GIT2: variants seen among roughly 807,000 people sequenced by gnomAD.
GIT2 encodes the protein GIT ArfGAP 2.
GIT2 carries 32 observed loss-of-function variants against 100.3 expected under a neutral mutation model. The observed-to-expected ratio is 0.32, with a 90% CI of 0.24 to 0.43. The LOEUF (loss-of-function observed/expected upper bound fraction) is 0.43, where lower values mean the gene tolerates loss of function less well. Ranked by LOEUF, GIT2 falls within the 20% of genes least tolerant of loss-of-function variation. The probability of loss-of-function intolerance (pLI) is 1.00; values close to 1 mark genes in which losing one functional copy is unlikely to be tolerated. For synonymous variants in GIT2, 353 were observed against 364.1 expected (o/e 0.97, Z 0.35); for missense variants, 737 against 975.1 (o/e 0.76, Z 3.25).
At chr12:109,999,841 G>C (rs1245831294), upstream of GIT2, 15 of 1,436,410 alleles carry the variant, frequency 1.0e-5, no homozygotes, top group South Asian at 6.6e-5. The surrounding 1 kb of genome is among the most constrained non-coding windows in gnomAD (Gnocchi z 4.3). Flanking sequence ...ATCGGGGGTC[G>C]TTTCGCCTCC....
At chr12:109,954,579 G>C (rs2136308579) in intron 12 of GIT2, 1 of 152,220 alleles carries the variant, frequency 6.6e-6, no homozygotes, top group East Asian at 1.9e-4. Flanking sequence ...GATGATATCT[G>C]GGTGATGAAT....
At position 109,945,340 on chromosome 12, in the gene GIT2, T is replaced by C; in HGVS notation, c.1651A>G (p.Ser551Gly). Reference sequence around the variant, plus strand: ...GATGAAGAGGAGGTCACAAGTGCACTCCTCCCGATCTGGAATGGGAAAGAG... The same window carrying C: ...GATGAAGAGGAGGTCACAAGTGCACCCCTCCCGATCTGGAATGGGAAAGAG... ...LQPFPAHIGR[S>G]ALVTSSSSLP... The change falls in exon 16 of 20, where the codon AGT becomes GGT. Residue 551 changes from serine (S) to glycine (G), a missense_variant. This residue lies in a region of GIT2 where 451 missense variants were observed against 543.7 expected (regional missense o/e 0.83). Coordinates refer to ENST00000355312, the MANE Select transcript of GIT2 (RefSeq NM_057169.5). 6.7e-7 allele frequency: 1 copy of C among 1,502,094 alleles called. No individual in the cohort carries two copies. The highest frequency in any genetic ancestry group is 9.3e-7 in the Non-Finnish European group (1 of 1,079,176). The allele number at this position is 1,502,094 out of a possible 1,614,324, so 93.0% of individuals were successfully genotyped here.
chr12:109,961,746 G>T, intron 9 of GIT2, 61 bp from the exon 10 acceptor site: 1 of 975,702 alleles, frequency 1.0e-6, no homozygotes, highest in Non-Finnish European at 1.7e-6. Flanking sequence ...GGACAAGAGG[G>T]AACTGCGACT....
intron 9 of GIT2, among the ~76,000 whole-genome samples, chr12:109,964,668 C>CACACAT (rs1881888458): frequency 7.0e-6 from 1 of 143,400 alleles, no homozygotes; most frequent in Non-Finnish European, 1.5e-5. Flanking sequence ...CACACACACA[C>CACACAT]ACACACACGG....
chr12:109,984,474 G>T (rs115431458), intron 4 of GIT2, among the ~76,000 whole-genome samples: 3 of 151,628 alleles, frequency 2.0e-5, no homozygotes, highest in Non-Finnish European at 4.4e-5. Flanking sequence ...AAAGGGTCTC[G>T]CTTGCTCTGT....
At chr12:109,968,447 G>C (rs979261796) in intron 7 of GIT2, among the ~76,000 whole-genome samples, 1 of 152,110 alleles carries the variant, frequency 6.6e-6, no homozygotes, top group Non-Finnish European at 1.5e-5. Context: ...ATTTGAGACA[G>C]AGTTTCACTC....
At chr12:109,957,583 T>G (rs921367475) in intron 12 of GIT2, among the ~76,000 whole-genome samples, 1 of 151,668 alleles carries the variant, frequency 6.6e-6, no homozygotes, top group Non-Finnish European at 1.5e-5. Flanking sequence ...CTTGGCTCAC[T>G]GCAAGCTCCA....
At chr12:109,935,396 T>G (rs1378170099) in intron 18 of GIT2, among the ~76,000 whole-genome samples, 2 of 152,228 alleles carry the variant, frequency 1.3e-5, no homozygotes, top group African/African-American at 2.4e-5. Context: ...CACTGAAGTT[T>G]TTTTTTTGAG....
In GIT2 at chr12:109,953,180, T is replaced by C; in HGVS notation, c.1154A>G (p.Gln385Arg). Residue 385 changes from glutamine to arginine, a missense_variant, in exon 13 of 20, where the codon CAA becomes CGA. By Grantham distance (43) the Gln-to-Arg change is conservative. Around this residue, in one of 3 missense-constraint regions of GIT2, gnomAD observed 451 missense variants for 543.7 expected, o/e 0.83. Transcript: ENST00000355312. ...GTCATAGTCGGGCTGATCGTTGTCT[T>C]GACTCTCAACGCTGTGCTGGTTATT... The part of the protein sequence containing the change: ...TINNQHSVES[Q>R]DNDQPDYDSV... 6.2e-7 allele frequency: 1 copy of C among 1,613,960 alleles called. No individual in the cohort carries two copies. Among genetic ancestry groups the C allele is most frequent in the Non-Finnish European group, 8.5e-7 (1 of 1,179,804 alleles).
chr12:109,993,803 C>T (rs1269444940), intron 1 of GIT2, among the ~76,000 whole-genome samples: 1 of 151,466 alleles, frequency 6.6e-6, no homozygotes. Flanking sequence ...TGAAAATCTC[C>T]ATGGAGTTTT....
intron 10 of GIT2, 113 bp from the exon 11 acceptor site, chr12:109,961,488 A>G (rs1350493522): frequency 7.5e-6 from 7 of 935,780 alleles, no homozygotes; most frequent in Non-Finnish European, 8.9e-6. Context: ...CAACACACGC[A>G]AAGGCAAACG....
chr12:109,949,711 G>C (rs1877318181), intron 14 of GIT2, among the ~76,000 whole-genome samples: 1 of 152,206 alleles, frequency 6.6e-6, no homozygotes, highest in Admixed American at 6.5e-5. Flanking sequence ...TTTGCTTTCA[G>C]AGATAATGAG....
At position 109,983,673 on chromosome 12, in the gene GIT2, T is replaced by C. The variant is rs1304619206; in HGVS notation, c.427A>G (p.Thr143Ala). ...LSKQLHSSVRTGNLETCLRLL... is the reference protein window; with the variant it reads ...LSKQLHSSVRAGNLETCLRLL... ...CTCAAACAGGTTTCAAGATTCCCTG[T>C]TCTCACGCTCGAATGGAGTTGCTGA... The change falls in exon 5 of 20, where the codon ACA becomes GCA. Residue 143 changes from threonine to alanine, a missense_variant. Thr to Ala is a moderately conservative substitution (Grantham distance 58). This residue lies in a region of GIT2 where 266 missense variants were observed against 376.2 expected (regional missense o/e 0.71). Transcript: ENST00000355312. The C allele has an allele frequency of 6.2e-7, 1 of 1,612,940 alleles. No individual in the cohort carries two copies. The highest frequency in any genetic ancestry group is 8.5e-7 in the Non-Finnish European group (1 of 1,179,188).
Position 109,932,872 on chromosome 12 carries a change from C to G in GIT2, c.*106G>C. ...AGTTTTCTTTTAAAAAGTTTTAAAC[C>G]GTCATTAAATGTTTCTTTTTGTAGA... is the stretch of plus-strand genomic sequence containing the variant. On this transcript the variant is annotated 3_prime_UTR_variant, in exon 20 of 20. Transcript: ENST00000355312. 1 of 706,592 alleles carries G rather than the reference C, an allele frequency of 1.4e-6. No individual in the cohort carries two copies. The highest frequency in any genetic ancestry group is 2.5e-6 in the Non-Finnish European group (1 of 402,274). 43.8% of individuals were successfully genotyped at this position (706,592 alleles called of 1,614,324 possible).
rs1452147788 is a variant in GIT2, at chr12:109,933,613, T to G, written c.2067+409A>C. 9.7e-6 allele frequency: 2 copies of G among 205,684 alleles called. No individual in the cohort carries two copies. The highest frequency in any genetic ancestry group is 9.9e-6 in the Non-Finnish European group (1 of 100,868). 12.7% of individuals were successfully genotyped at this position (205,684 alleles called of 1,614,324 possible). A position where few individuals can be genotyped will look rare whatever the true frequency, so the allele number is the denominator to read the frequency against. On this transcript the variant is annotated intron_variant, in intron 19 of 19. Transcript: ENST00000355312. The surrounding 1 kb of genome is among the most constrained non-coding windows in gnomAD (Gnocchi z 4.5). ...TGCATATTTTATTTTATTTTACTTT[T>G]TTTTGAGACTTGAGTTTCACTCTTG...
At chr12:109,953,366 T>A (rs1878459601) in intron 12 of GIT2, 132 bp from the exon 13 acceptor site, 2 of 840,298 alleles carry the variant, frequency 2.4e-6, no homozygotes, top group South Asian at 3.3e-5. Context: ...TTGCCTGTAA[T>A]CCCAGCATTC....
Position 109,962,002 on chromosome 12 carries a change from TCC to T in GIT2, c.817-319_817-318del, listed in dbSNP as rs200096895. Among the ~76,000 whole-genome samples, 1,529 of 152,302 alleles carry T rather than the reference TCC, an allele frequency of 0.01. 29 individuals carry two copies. The highest frequency in any genetic ancestry group is 0.037 in the Middle Eastern group (11 of 294). The stretch of plus-strand genomic sequence containing the variant: ...TTCTTGTGATATCATCCTGTAAGCC[TCC>T]TTTTCTGCACTTAAAAGTGCTTATC... On this transcript the variant is annotated intron_variant, in intron 9 of 19. Coordinates refer to ENST00000355312, the MANE Select transcript of GIT2 (RefSeq NM_057169.5). This position sits in a 1 kb window ranked among gnomAD's most constrained non-coding sequence, Gnocchi z 4.3.
rs1872282338 is a variant in GIT2 at position 109,933,925 on chromosome 12, T to C, written c.2067+97A>G. On this transcript the variant is annotated intron_variant, in intron 19 of 19. Coordinates refer to ENST00000355312, the MANE Select transcript of GIT2 (RefSeq NM_057169.5). The surrounding 1 kb of genome is among the most constrained non-coding windows in gnomAD (Gnocchi z 4.5). ...CTCGACTGCATATTTTAAAACTGCA[T>C]GTGCTACAAAAAAGCTAATGTAATA... 1 of 779,494 alleles carries C rather than the reference T, an allele frequency of 1.3e-6. No individual in the cohort carries two copies. The highest frequency in any genetic ancestry group is 1.7e-5 in the African/African-American group (1 of 58,602). 48.3% of individuals were successfully genotyped at this position (779,494 alleles called of 1,614,324 possible).
intron 7 of GIT2, among the ~76,000 whole-genome samples, chr12:109,971,347 C>CA (rs1883816155): frequency 6.6e-6 from 1 of 151,418 alleles, no homozygotes; most frequent in African/African-American, 2.4e-5. Flanking sequence ...TTTTTTGAGA[C>CA]AGAGTCCCAC....
Sources: allele counts gnomAD v4.1 joint callset (sites outside exome capture counted in the v4.1 genomes callset), GRCh38; gene constraint gnomAD v4.1.1; regional missense constraint gnomAD v4.1.1; non-coding constraint Gnocchi (gnomAD v3.1); transcripts MANE v1.5; gene names NCBI Gene and HGNC (gene_info 2026-07-23, HGNC 2026-07-21).